SH3RF3: variants seen among roughly 807,000 people sequenced by gnomAD.
SH3RF3 encodes the protein E3 ubiquitin-protein ligase SH3RF3.
SH3RF3 carries 29 observed loss-of-function variants against 66.3 expected under a neutral mutation model. The observed-to-expected ratio is 0.44, with a 90% CI of 0.33 to 0.60. The LOEUF (loss-of-function observed/expected upper bound fraction) is 0.60. Ranked by LOEUF, SH3RF3 falls within the 20% of genes least tolerant of loss-of-function variation. SH3RF3 has a pLI of 0.04. For synonymous variants in SH3RF3, 583 were observed against 532.0 expected, an observed-to-expected ratio of 1.10 and a Z score of -1.32; for missense variants, 1,194 against 1,190.9, an observed-to-expected ratio of 1.00 and a Z score of -0.04.
intron 1 of SH3RF3, among the ~76,000 whole-genome samples, chr2:109,243,779 A>G (rs927856322): frequency 6.6e-6 from 1 of 152,198 alleles, no homozygotes; most frequent in Admixed American, 6.5e-5. Flanking sequence ...AATCCAGGAA[A>G]GGAGTTTGGG....
In SH3RF3 at chr2:109,473,541, G is replaced by A. The variant is rs985569148; in HGVS notation, c.2149-17064G>A. On this transcript the variant is annotated intron_variant, in intron 8 of 9. Transcript: ENST00000309415. Reference sequence around the variant, plus strand: ...CATGCCAGGGTTAGAGCGACAGAGAGGAGAGAGAAATAAACCCTCTGTAAC... The same window carrying A: ...CATGCCAGGGTTAGAGCGACAGAGAAGAGAGAGAAATAAACCCTCTGTAAC... Among the ~76,000 whole-genome samples, 3 of 152,226 alleles carry A rather than the reference G, an allele frequency of 2.0e-5. No homozygotes were observed. In the East Asian group the frequency reaches 5.8e-4, roughly 29 times the overall value.
At chr2:109,319,549 C>T (rs905621266) in intron 1 of SH3RF3, among the ~76,000 whole-genome samples, 9 of 152,222 alleles carry the variant, frequency 5.9e-5, no homozygotes, top group African/African-American at 2.2e-4. Context: ...TGAGAGGGGG[C>T]TCACAGGGCT....
intron 2 of SH3RF3, among the ~76,000 whole-genome samples, chr2:109,364,268 A>G (rs1475965269): frequency 6.6e-6 from 1 of 151,932 alleles, no homozygotes; most frequent in Admixed American, 6.6e-5. Context: ...CCAGTCTCCT[A>G]ATAAGCACGT....
At chr2:109,209,280 C>G (rs557473150) in intron 1 of SH3RF3, among the ~76,000 whole-genome samples, 3 of 152,250 alleles carry the variant, frequency 2.0e-5, no homozygotes, top group Admixed American at 6.5e-5. Flanking sequence ...TTCCCTTGTG[C>G]CAGGTCCTGC....
chr2:109,301,611 G>C (rs2105397350), intron 1 of SH3RF3, among the ~76,000 whole-genome samples: 1 of 152,252 alleles, frequency 6.6e-6, no homozygotes, highest in East Asian at 1.9e-4. Context: ...GCCTCTGTGG[G>C]CTCAGAGCAT....
intron 1 of SH3RF3, among the ~76,000 whole-genome samples, chr2:109,286,045 A>G (rs1217155160): frequency 1.3e-5 from 2 of 152,180 alleles, no homozygotes; most frequent in African/African-American, 2.4e-5. Flanking sequence ...CTTAGAATCA[A>G]TGGTGTTTCT....
At chr2:109,296,258 A>G (rs1681305656) in intron 1 of SH3RF3, among the ~76,000 whole-genome samples, 1 of 151,262 alleles carries the variant, frequency 6.6e-6, no homozygotes, top group Non-Finnish European at 1.5e-5. Context: ...ATGGAGTTTC[A>G]CTCTTATTGC....
At chr2:109,202,721 C>T (rs759039512) in intron 1 of SH3RF3, among the ~76,000 whole-genome samples, 3 of 152,174 alleles carry the variant, frequency 2.0e-5, no homozygotes, top group Non-Finnish European at 2.9e-5. Context: ...CATCTGGAAA[C>T]GCCACGGCCT....
chr2:109,434,343 C>T (rs773337708), intron 6 of SH3RF3, among the ~76,000 whole-genome samples: 4 of 152,252 alleles, frequency 2.6e-5, no homozygotes, highest in Admixed American at 6.5e-5. Context: ...GGGAGGCCAT[C>T]GGCTTCCCAG....
At chr2:109,349,947 C>T (rs539376869) in intron 2 of SH3RF3, among the ~76,000 whole-genome samples, 6 of 152,354 alleles carry the variant, frequency 3.9e-5, no homozygotes, top group South Asian at 4.1e-4. Context: ...GACTCTGTGT[C>T]GGGTACTAGA....
chr2:109,432,496 C>G lies in SH3RF3; in HGVS notation c.1404-5C>G. ...ACTGACACTGGCCCCATGCTTTGCC[C>G]GCAGGTACCTGGCGCTCTACGCCTA... On this transcript the variant is annotated splice_polypyrimidine_tract_variant and splice_region_variant and intron_variant, in intron 5 of 9. Coordinates refer to ENST00000309415, the MANE Select transcript of SH3RF3 (RefSeq NM_001099289.3). 6.2e-7 allele frequency: 1 copy of G among 1,612,974 alleles called. No homozygotes were observed. The highest frequency in any genetic ancestry group is 1.7e-4 in the Middle Eastern group (1 of 6,060).
chr2:109,246,052 C>A (rs1358692569), intron 1 of SH3RF3, among the ~76,000 whole-genome samples: 1 of 152,206 alleles, frequency 6.6e-6, no homozygotes, highest in African/African-American at 2.4e-5. Context: ...TGGATTCATA[C>A]TTCAATTTTA....
intron 8 of SH3RF3, among the ~76,000 whole-genome samples, chr2:109,464,280 ACATT>A (rs1678281154): frequency 6.6e-6 from 1 of 152,222 alleles, no homozygotes; most frequent in Admixed American, 6.5e-5. Context: ...AAATATACAC[ACATT>A]CATACATATA....
intron 8 of SH3RF3, among the ~76,000 whole-genome samples, chr2:109,458,584 G>C (rs1260601886): frequency 6.6e-6 from 1 of 151,192 alleles, no homozygotes; most frequent in African/African-American, 2.4e-5. Context: ...GAGAGAGAGA[G>C]AGAGAGAGAG....
At chr2:109,321,241 A>G (rs966197788) in intron 1 of SH3RF3, among the ~76,000 whole-genome samples, 2 of 152,220 alleles carry the variant, frequency 1.3e-5, no homozygotes, top group African/African-American at 4.8e-5. Context: ...CCTCGGATTC[A>G]CTTTTAATTA....
intron 1 of SH3RF3, among the ~76,000 whole-genome samples, chr2:109,275,222 C>T (rs1680726695): frequency 6.6e-6 from 1 of 152,182 alleles, no homozygotes; most frequent in Non-Finnish European, 1.5e-5. Flanking sequence ...TACAGTGAGG[C>T]CCCGCAGAGG....
chr2:109,156,951 A>G (rs1677361622), intron 1 of SH3RF3, among the ~76,000 whole-genome samples: 1 of 152,232 alleles, frequency 6.6e-6, no homozygotes, highest in African/African-American at 2.4e-5. Flanking sequence ...TTTAAAGACT[A>G]CCAATAAGGT....
chr2:109,372,759 T>G (rs1242760910), intron 3 of SH3RF3, among the ~76,000 whole-genome samples: 5 of 152,166 alleles, frequency 3.3e-5, no homozygotes, highest in Non-Finnish European at 7.4e-5. Flanking sequence ...AACTGCAGTT[T>G]ACTCAGCTCA....
chr2:109,355,524 C>T (rs920756120), intron 2 of SH3RF3, among the ~76,000 whole-genome samples: 1 of 152,238 alleles, frequency 6.6e-6, no homozygotes, highest in Admixed American at 6.5e-5. Context: ...TGACCTACAA[C>T]TCCTGAAATA....
Sources: gnomAD v4.1 joint callset for allele counts (sites outside exome capture counted in the v4.1 genomes callset) on GRCh38, gnomAD v4.1.1 for gene constraint, MANE v1.5 for transcripts, NCBI Gene and HGNC (gene_info 2026-07-23, HGNC 2026-07-21) for gene names.